Variants in HLA-G observed in about 807,000 individuals in gnomAD.
The protein encoded by HLA-G is major histocompatibility complex, class I, G.
HLA-G carries 34 observed loss-of-function variants against 39.3 expected under a neutral mutation model. That is an observed-to-expected ratio of 0.86 (90% CI 0.66 to 1.15). HLA-G has a LOEUF of 1.15. Among genes scored for constraint, HLA-G ranks in the 50% most tolerant of loss-of-function variants. The pLI is 0.00. For synonymous variants in HLA-G, 183 were observed against 185.8 expected (o/e 0.99, Z 0.12); for missense variants, 419 against 456.4 (o/e 0.92, Z 0.75).
intron 5 of HLA-G, 126 bp from the exon 6 acceptor site, chr6:29,830,252 T>A (rs571893823): frequency 3.7e-6 from 4 of 1,087,632 alleles, no homozygotes; most frequent in Non-Finnish European, 5.7e-6. Flanking sequence ...TTTTTCCTGA[T>A]CCCGCCCTGG....
In HLA-G at chr6:29,828,196, T is replaced by TGGGTGGAGCAGGAGGGGC; in HGVS notation, c.224_241dup (p.Gly80_Pro81insArgValGluGlnGluGly). 1 of 1,613,206 alleles carries TGGGTGGAGCAGGAGGGGC rather than the reference T, an allele frequency of 6.2e-7. No homozygotes were observed. The highest frequency in any genetic ancestry group is 8.5e-7 in the Non-Finnish European group (1 of 1,179,818). ...TCCGAGGATGGAGCCGCGGGCGCCG[T>TGGGTGGAGCAGGAGGGGC]GGGTGGAGCAGGAGGGGCCGGAGTA... is the stretch of plus-strand genomic sequence containing the variant. On this transcript the variant is annotated inframe_insertion, in exon 2 of 7. Transcript: ENST00000360323.
At chr6:29,827,019 C>G, upstream of HLA-G, 1 of 526,728 alleles carries the variant, frequency 1.9e-6, no homozygotes, top group South Asian at 1.4e-5. Flanking sequence ...TGGACTCACA[C>G]GGAAACTTAG....
At chr6:29,826,979 A>T (rs561785661), upstream of HLA-G, 1 of 513,230 alleles carries the variant, frequency 1.9e-6, no homozygotes, top group South Asian at 1.5e-5. Flanking sequence ...ATAGTAACAT[A>T]GTGTGGTACT....
upstream of HLA-G, chr6:29,827,576 G>C (rs1334116328): frequency 2.1e-6 from 1 of 487,188 alleles, no homozygotes; most frequent in African/African-American, 2.0e-5. Context: ...AGAGTAGCGG[G>C]GTCAGGGCGA....
intron 1 of HLA-G, 63 bp downstream of exon 1, chr6:29,827,980 G>C (rs1485946665): frequency 6.9e-6 from 11 of 1,589,836 alleles, no homozygotes; most frequent in Non-Finnish European, 9.4e-6. Flanking sequence ...GGCCCGGCGG[G>C]GGCGCAGGAC....
chr6:29,830,575 TA>T, intron 6 of HLA-G, 165 bp downstream of exon 6: 1 of 781,002 alleles, frequency 1.3e-6, no homozygotes. Flanking sequence ...CCCAGGGCTC[TA>T]ATGTGTCTCT....
At chr6:29,827,753 C>G (rs1760788623), upstream of HLA-G, 1 of 1,292,016 alleles carries the variant, frequency 7.7e-7, no homozygotes, top group Non-Finnish European at 1.1e-6. Flanking sequence ...CATTAGGTGA[C>G]AGGTTTTTAG....
upstream of HLA-G, chr6:29,827,085 G>A (rs1237259772): frequency 2.0e-6 from 1 of 497,906 alleles, no homozygotes; most frequent in Non-Finnish European, 4.1e-6. Flanking sequence ...CAGATACACT[G>A]TCTGGGAAAG....
At chr6:29,828,869 T>A in intron 3 of HLA-G, 51 bp downstream of exon 3, 1 of 1,612,058 alleles carries the variant, frequency 6.2e-7, no homozygotes, top group Non-Finnish European at 8.5e-7. Context: ...CCTCTCAGCC[T>A]GGCCTAGCAC....
upstream of HLA-G, chr6:29,827,589 T>A (rs568354681): frequency 1.9e-6 from 1 of 513,970 alleles, no homozygotes; most frequent in African/African-American, 1.9e-5. Flanking sequence ...CAGGGCGAAG[T>A]CCCAGGGCCT....
Position 29,828,755 on chromosome 6 carries a change from G to T in HLA-G, c.556G>T (p.Gly186Cys). 6.2e-7 allele frequency: 1 copy of T among 1,614,046 alleles called. No individual in the cohort carries two copies. The highest frequency in any genetic ancestry group is 8.5e-7 in the Non-Finnish European group (1 of 1,180,034). The stretch of plus-strand genomic sequence containing the variant: ...TGAACAAAGGAGAGCCTACCTGGAG[G>T]GCACGTGCGTGGAGTGGCTCCACAG... ...VAEQRRAYLE[G>C]TCVEWLHRYL... Residue 186 changes from glycine (G) to cysteine (C), a missense_variant, in exon 3 of 7, where the codon GGC becomes TGC. Gly to Cys is a radical substitution (Grantham distance 159, BLOSUM62 -3). Transcript: ENST00000360323.
Position 29,830,905 on chromosome 6 carries a change from C to A in HLA-G, c.*166C>A. 1 of 316,362 alleles carries A rather than the reference C, an allele frequency of 3.2e-6. No individual in the cohort carries two copies. The highest frequency in any genetic ancestry group is 6.6e-6 in the Non-Finnish European group (1 of 150,662). 19.6% of individuals were successfully genotyped at this position (316,362 alleles called of 1,614,324 possible). Reference sequence around the variant, plus strand: ...TTCCTCATGCTGAACTGCATTCCTTCCCCAATCACCTTTCCTGTTCCAGAA... The same window carrying A: ...TTCCTCATGCTGAACTGCATTCCTTACCCAATCACCTTTCCTGTTCCAGAA... On this transcript the variant is annotated 3_prime_UTR_variant, in exon 7 of 7. Transcript: ENST00000360323.
At chr6:29,827,428 G>A (rs1271221314), upstream of HLA-G, 2 of 353,458 alleles carry the variant, frequency 5.7e-6, no homozygotes, top group Middle Eastern at 4.3e-4. Flanking sequence ...GAGGCAGGGA[G>A]TCCAGTTCAG....
intron 1 of HLA-G, 52 bp from the exon 2 acceptor site, chr6:29,827,995 C>A: frequency 6.3e-7 from 1 of 1,591,864 alleles, no homozygotes; most frequent in Non-Finnish European, 8.5e-7. Flanking sequence ...CAGGACTCGG[C>A]AGCCGCGCCG....
chr6:29,827,731 A>T (rs1760787685), upstream of HLA-G: 6 of 1,069,332 alleles, frequency 5.6e-6, no homozygotes, highest in Non-Finnish European at 8.6e-6. Flanking sequence ...GGGCGGCCCC[A>T]GTTCTCACTC....
intron 5 of HLA-G, 111 bp downstream of exon 5, chr6:29,830,043 T>C: frequency 1.2e-6 from 1 of 802,272 alleles, no homozygotes. Context: ...TCCACACTCA[T>C]GGGCCTACCC....
Position 29,829,671 on chromosome 6 carries a change from G to T in HLA-G, c.873G>T (p.Pro291=), listed in dbSNP as rs17875406. The change falls in exon 4 of 7, where the codon CCG becomes CCT. Residue 291 remains proline, a synonymous_variant. Coordinates refer to ENST00000360323, the MANE Select transcript of HLA-G (RefSeq NM_001384290.1). ...GCCATGTGCAGCATGAGGGGCTGCC[G>T]GAGCCCCTCATGCTGAGATGGAGTA... The part of the protein sequence containing the change: ...YTCHVQHEGL[P]EPLMLRWKQS... 6.2e-7 allele frequency: 1 copy of T among 1,613,302 alleles called. No individual in the cohort carries two copies. The highest frequency in any genetic ancestry group is 2.2e-5 in the East Asian group (1 of 44,852).
At chr6:29,827,162 A>C, upstream of HLA-G, 1 of 464,306 alleles carries the variant, frequency 2.2e-6, no homozygotes, top group Non-Finnish European at 4.5e-6. Context: ...CAACAGGCCA[A>C]AGTCACATTT....
At chr6:29,830,579 G>C (rs1761187225) in intron 6 of HLA-G, 169 bp downstream of exon 6, 2 of 776,894 alleles carry the variant, frequency 2.6e-6, no homozygotes, top group African/African-American at 1.7e-5. Flanking sequence ...GGGCTCTAAT[G>C]TGTCTCTCAC....
Sources: allele counts gnomAD v4.1 joint callset, GRCh38; gene constraint gnomAD v4.1.1; transcripts MANE v1.5; gene names NCBI Gene and HGNC (gene_info 2026-07-23, HGNC 2026-07-21).